Variants in RAP1GAP observed in about 807,000 individuals in gnomAD.
RAP1GAP encodes the protein rap1 GTPase-activating protein 1.
Under a neutral mutation model 87.2 loss-of-function variants are expected in RAP1GAP, and 35 were observed. The observed-to-expected ratio is 0.40, with a 90% CI of 0.31 to 0.53. The LOEUF (loss-of-function observed/expected upper bound fraction) is 0.53. Ranked by LOEUF, RAP1GAP falls within the 20% of genes least tolerant of loss-of-function variation. The probability of loss-of-function intolerance (pLI) is 0.48; values close to 1 mark genes in which losing one functional copy is unlikely to be tolerated. For missense variants in RAP1GAP, 734 were observed against 898.9 expected (o/e 0.82, Z 2.35); for synonymous variants, 375 against 363.9 (o/e 1.03, Z -0.35).
At chr1:21,632,073 T>C (rs1255963208) in intron 2 of RAP1GAP, among the ~76,000 whole-genome samples, 1 of 152,182 alleles carries the variant, frequency 6.6e-6, no homozygotes, top group African/African-American at 2.4e-5. Flanking sequence ...CAAGGTCACA[T>C]GGAAAGCTGG....
At chr1:21,665,239 T>C (rs1571563865) in intron 1 of RAP1GAP, 1 of 517,484 alleles carries the variant, frequency 1.9e-6, no homozygotes, top group Non-Finnish European at 3.9e-6. Flanking sequence ...TCAGTGGCAA[T>C]GTCAGAATTC....
At chr1:21,612,286 C>T (rs926613908) in intron 10 of RAP1GAP, among the ~76,000 whole-genome samples, 177 bp from the exon 11 acceptor site, 5 of 152,152 alleles carry the variant, frequency 3.3e-5, no homozygotes, top group Admixed American at 6.5e-5. Context: ...GTTCAGAGAC[C>T]TTAAGTGACT....
intron 1 of RAP1GAP, among the ~76,000 whole-genome samples, chr1:21,656,740 C>A (rs2096883314): frequency 6.6e-6 from 1 of 152,212 alleles, no homozygotes. Flanking sequence ...GTTTCTGAAA[C>A]CCCTGCCTAC....
In RAP1GAP at chr1:21,613,577, G is replaced by C. The variant is rs753775462; in HGVS notation, c.474+51C>G. 1 of 1,506,522 alleles carries C rather than the reference G, an allele frequency of 6.6e-7. No homozygotes were observed. Among genetic ancestry groups the C allele is most frequent in the East Asian group, 2.3e-5 (1 of 44,346 alleles). 93.3% of individuals were successfully genotyped at this position (1,506,522 alleles called of 1,614,324 possible). On this transcript the variant is annotated intron_variant, in intron 9 of 24. Coordinates refer to ENST00000374765, the MANE Select transcript of RAP1GAP (RefSeq NM_002885.4). The surrounding 1 kb of genome is among the most constrained non-coding windows in gnomAD (Gnocchi z 4.7). ...GCCAAGGCAAGCTGAAGCCCCACAG[G>C]TGCCCATCTGCGGAGCCAGCCCGGG... is the stretch of plus-strand genomic sequence containing the variant.
At chr1:21,601,823 G>A (rs1429001608) in intron 19 of RAP1GAP, 26 bp from the exon 20 acceptor site, 3 of 1,524,342 alleles carry the variant, frequency 2.0e-6, no homozygotes, top group African/African-American at 1.4e-5. Context: ...GGGCAGCGGG[G>A]GGATTCAGCA....
intron 1 of RAP1GAP, among the ~76,000 whole-genome samples, chr1:21,652,503 C>T (rs1351666208): frequency 6.6e-6 from 1 of 152,100 alleles, no homozygotes; most frequent in African/African-American, 2.4e-5. Context: ...CCCCTCCTTG[C>T]CCACCTGTCT....
chr1:21,662,350 G>A (rs861213), intron 1 of RAP1GAP, among the ~76,000 whole-genome samples: 32,237 of 152,116 alleles, frequency 0.21, 3,481 homozygotes, highest in Admixed American at 0.24. Context: ...TCTGTAAAAC[G>A]AGGGGGTTGG....
rs187102231 is a variant in RAP1GAP, at chr1:21,603,091, C to T, written c.1429-178G>A. 11 of 583,490 alleles carry T rather than the reference C, an allele frequency of 1.9e-5. No individual in the cohort carries two copies. The East Asian group carries it at 3.1e-4, about 17-fold the overall frequency. The allele number at this position is 583,490 out of a possible 1,614,324, so 36.1% of individuals were successfully genotyped here. On this transcript the variant is annotated intron_variant, in intron 18 of 24. Coordinates refer to ENST00000374765, the MANE Select transcript of RAP1GAP (RefSeq NM_002885.4). This position sits in a 1 kb window ranked among gnomAD's most constrained non-coding sequence, Gnocchi z 6.0. ...CCCAGTTTACGAAAGGGAAACAGTC[C>T]CCAGGAGGGCAAGGGGCTCTCCCGA...
intron 13 of RAP1GAP, among the ~76,000 whole-genome samples, chr1:21,610,980 T>C (rs762902203): frequency 2.6e-5 from 4 of 152,240 alleles, no homozygotes; most frequent in Non-Finnish European, 5.9e-5. Context: ...TCCTGGCACA[T>C]GCCTTGCATG....
At position 21,669,322 on chromosome 1, in the gene RAP1GAP, C is replaced by T. The variant is rs968887858; in HGVS notation, c.-217G>A. On this transcript the variant is annotated 5_prime_UTR_variant, in exon 1 of 25. Coordinates refer to ENST00000374765, the MANE Select transcript of RAP1GAP (RefSeq NM_002885.4). This position sits in a 1 kb window ranked among gnomAD's most constrained non-coding sequence, Gnocchi z 5.6. ...GCCCGCGGCCGCCGCTGCAGCTCTGCTCAGATGCGGCCGGCGCTCGCCGCC... is the reference window on the plus strand; with the variant it reads ...GCCCGCGGCCGCCGCTGCAGCTCTGTTCAGATGCGGCCGGCGCTCGCCGCC... 2 of 1,101,644 alleles carry T rather than the reference C, an allele frequency of 1.8e-6. No homozygotes were observed. The highest frequency in any genetic ancestry group is 1.1e-6 in the Non-Finnish European group (1 of 899,982). 68.2% of individuals were successfully genotyped at this position (1,101,644 alleles called of 1,614,324 possible). A position where few individuals can be genotyped will look rare whatever the true frequency, so the allele number is the denominator to read the frequency against.
chr1:21,663,681 C>T (rs2097234024), intron 1 of RAP1GAP, among the ~76,000 whole-genome samples: 1 of 152,130 alleles, frequency 6.6e-6, no homozygotes, highest in South Asian at 2.1e-4. Context: ...GAACTGGGGC[C>T]CAGAGTTCAG....
chr1:21,602,369 G>C (rs965485613), intron 19 of RAP1GAP, among the ~76,000 whole-genome samples: 1 of 152,194 alleles, frequency 6.6e-6, no homozygotes, highest in Non-Finnish European at 1.5e-5. Flanking sequence ...TCTGATGTCC[G>C]GGGGCAGCCC....
At chr1:21,598,267 T>C in intron 22 of RAP1GAP, 133 bp downstream of exon 22, 1 of 893,188 alleles carries the variant, frequency 1.1e-6, no homozygotes, top group Non-Finnish European at 1.7e-6. Context: ...GACAATGACC[T>C]GCCCGCTGTC....
intron 23 of RAP1GAP, 69 bp from the exon 24 acceptor site, chr1:21,597,797 G>A (rs2148354556): frequency 6.3e-7 from 1 of 1,579,416 alleles, no homozygotes; most frequent in Non-Finnish European, 8.7e-7. Flanking sequence ...AGACACAGGT[G>A]CACAAAGTCA....
intron 2 of RAP1GAP, 30 bp from the exon 3 acceptor site, chr1:21,626,427 G>C (rs768291026): frequency 6.4e-7 from 1 of 1,573,252 alleles, no homozygotes; most frequent in Non-Finnish European, 8.7e-7. Flanking sequence ...AGGTCAGGGA[G>C]AGCCCCAAGC....
intron 3 of RAP1GAP, 132 bp from the exon 4 acceptor site, chr1:21,620,182 G>C: frequency 1.1e-6 from 1 of 879,926 alleles, no homozygotes; most frequent in South Asian, 1.5e-5. Context: ...TAGCAAGCGG[G>C]AGTGACGGGA....
At chr1:21,623,470 C>A (rs1015558071) in intron 3 of RAP1GAP, among the ~76,000 whole-genome samples, 1 of 152,238 alleles carries the variant, frequency 6.6e-6, no homozygotes, top group Admixed American at 6.5e-5. Context: ...TGTGGCCAAG[C>A]AGACACAGCT....
intron 6 of RAP1GAP, 130 bp from the exon 7 acceptor site, chr1:21,617,621 T>A: frequency 8.9e-7 from 1 of 1,117,528 alleles, no homozygotes; most frequent in Non-Finnish European, 1.3e-6. Context: ...CCAGAGCCTG[T>A]GTGGGCCCCA....
rs371093974 is a variant in RAP1GAP, at chr1:21,598,511, G to A, written c.1777-9C>T. 7 of 1,605,812 alleles carry A rather than the reference G, an allele frequency of 4.4e-6. No homozygotes were observed. The African/African-American group carries it at 6.7e-5, about 15-fold the overall frequency. On this transcript the variant is annotated splice_polypyrimidine_tract_variant and intron_variant, in intron 21 of 24. Coordinates refer to ENST00000374765, the MANE Select transcript of RAP1GAP (RefSeq NM_002885.4). ...GAGGATGACACGCTCTCCTGGGGAG[G>A]GGGTGGAAAGAGGGAGGGAGGTTAG...
Sources: gnomAD v4.1 joint callset for allele counts (sites outside exome capture counted in the v4.1 genomes callset) on GRCh38, gnomAD v4.1.1 for gene constraint, Gnocchi (gnomAD v3.1) non-coding constraint, MANE v1.5 for transcripts, NCBI Gene and HGNC (gene_info 2026-07-23, HGNC 2026-07-21) for gene names.